The following CIMIP5 variants were observed in gnomAD, a reference collection of about 807,000 sequenced individuals.
CIMIP5 encodes ciliary microtubule inner protein 5, also known as uncharacterized protein C2orf50.
the CIMIP5 span, among the ~76,000 whole-genome samples, chr2:11,141,174 G>C: frequency 1.5e-5 from 2 of 129,182 alleles, no homozygotes; most frequent in Non-Finnish European, 3.1e-5. Flanking sequence ...TGTCGCCCAG[G>C]CTGGAGTGCA....
the CIMIP5 span, among the ~76,000 whole-genome samples, chr2:11,152,199 T>C: frequency 6.6e-6 from 1 of 152,228 alleles, no homozygotes. Flanking sequence ...CAGGAACAAT[T>C]TGGGAAGGTT....
chr2:11,133,512 G>A, the CIMIP5 span: 1 of 1,608,538 alleles, frequency 6.2e-7, no homozygotes, highest in Non-Finnish European at 8.5e-7. Flanking sequence ...GGTGGCTCAG[G>A]GAGCTGCCTG....
chr2:11,150,956 T>G, the CIMIP5 span, among the ~76,000 whole-genome samples: 1 of 152,176 alleles, frequency 6.6e-6, no homozygotes, highest in Non-Finnish European at 1.5e-5. Flanking sequence ...TAGCTGATCT[T>G]AACAGGTGCA....
At chr2:11,143,839 T>C in the CIMIP5 span, 58,754 of 1,202,626 alleles carry the variant, frequency 0.049, 9,603 homozygotes, top group African/African-American at 0.53. Flanking sequence ...GAGAGGCAGC[T>C]GCTCTCTGCT....
At chr2:11,139,129 G>A in the CIMIP5 span, among the ~76,000 whole-genome samples, 1 of 152,074 alleles carries the variant, frequency 6.6e-6, no homozygotes, top group Non-Finnish European at 1.5e-5. Flanking sequence ...TGTTGGCCAG[G>A]CTGGTCTCGA....
chr2:11,144,322 C>T, the CIMIP5 span: 3 of 374,822 alleles, frequency 8.0e-6, no homozygotes, highest in South Asian at 1.1e-4. Context: ...GGTCCACGGC[C>T]GTACAATCCC....
At chr2:11,140,374 TA>T in the CIMIP5 span, 86,643 of 279,068 alleles carry the variant, frequency 0.31, 8,064 homozygotes, top group Admixed American at 0.35. Context: ...GCCTCCGTCT[TA>T]AAAAAAAAAA....
chr2:11,144,074 G>A, the CIMIP5 span: 2,835 of 1,599,028 alleles, frequency 1.8e-3, 39 homozygotes, highest in African/African-American at 0.03. Flanking sequence ...GAAGGGGCCC[G>A]GAAGAAGAAG....
At chr2:11,139,161 A>G in the CIMIP5 span, among the ~76,000 whole-genome samples, 12 of 152,116 alleles carry the variant, frequency 7.9e-5, no homozygotes, top group East Asian at 2.3e-3. Context: ...CAGGTGATCC[A>G]CCCACCTTAG....
chr2:11,138,002 C>T, the CIMIP5 span, among the ~76,000 whole-genome samples: 1 of 152,134 alleles, frequency 6.6e-6, no homozygotes, highest in African/African-American at 2.4e-5. Context: ...CCCGCTACCA[C>T]GCCCGGCTAA....
the CIMIP5 span, among the ~76,000 whole-genome samples, chr2:11,148,935 T>C: frequency 2.0e-5 from 3 of 151,930 alleles, no homozygotes; most frequent in African/African-American, 7.3e-5. Flanking sequence ...GGGTTCACCA[T>C]GTTGGCCAAG....
At chr2:11,137,361 G>A in the CIMIP5 span, among the ~76,000 whole-genome samples, 4 of 151,786 alleles carry the variant, frequency 2.6e-5, no homozygotes, top group African/African-American at 9.7e-5. Context: ...GTGACAGAGT[G>A]AGACTCCATC....
At chr2:11,133,573 G>A in the CIMIP5 span, 1 of 1,602,630 alleles carries the variant, frequency 6.2e-7, no homozygotes, top group South Asian at 1.1e-5. Context: ...GAGGCCGAGC[G>A]GCGGGGCCAG....
the CIMIP5 span, among the ~76,000 whole-genome samples, chr2:11,141,810 C>T: frequency 1.3e-5 from 2 of 151,850 alleles, no homozygotes; most frequent in South Asian, 4.2e-4. Flanking sequence ...CCTGTCTCTA[C>T]AAAAATAACA....
At chr2:11,148,732 C>CTTTTTTTTTTTTTTT in the CIMIP5 span, among the ~76,000 whole-genome samples, 7 of 35,552 alleles carry the variant, frequency 2.0e-4, no homozygotes, top group Non-Finnish European at 2.6e-4. Context: ...AATGAAAACT[C>CTTTTTTTTTTTTTTT]TTTTTTTTTT....
At chr2:11,133,677 G>T in the CIMIP5 span, 2 of 1,509,300 alleles carry the variant, frequency 1.3e-6, no homozygotes, top group African/African-American at 2.8e-5. Context: ...AGATGGGAGG[G>T]CAAATGATCT....
the CIMIP5 span, among the ~76,000 whole-genome samples, chr2:11,148,730 C>CTTTTT: frequency 1.6e-4 from 10 of 63,850 alleles, 2 homozygotes; most frequent in African/African-American, 1.9e-4. Context: ...CTAATGAAAA[C>CTTTTT]TCTTTTTTTT....
the CIMIP5 span, chr2:11,143,903 C>G: frequency 6.4e-7 from 1 of 1,554,158 alleles, no homozygotes; most frequent in Non-Finnish European, 8.7e-7. Context: ...GTGACCCGAG[C>G]TGTCCCCTCT....
the CIMIP5 span, among the ~76,000 whole-genome samples, chr2:11,150,626 C>T: frequency 1.4e-5 from 2 of 145,248 alleles, no homozygotes; most frequent in African/African-American, 5.0e-5. Context: ...GCCACCGTGC[C>T]CGGTGGTTTA....
Sources: gnomAD v4.1 joint callset for allele counts (sites outside exome capture counted in the v4.1 genomes callset) on GRCh38, gnomAD v4.1.1 for gene constraint, MANE v1.5 for transcripts, NCBI Gene and HGNC (gene_info 2026-07-23, HGNC 2026-07-21) for gene names.